SLC7A14: variants seen among roughly 807,000 people sequenced by gnomAD.
SLC7A14 encodes gamma-aminobutyric acid transporter SLC7A14.
A neutral mutation model predicts 60.2 loss-of-function variants in SLC7A14; 37 were observed. The observed-to-expected ratio is 0.61, with a 90% CI of 0.47 to 0.81. The LOEUF is 0.81. Ranked by LOEUF, SLC7A14 falls within the 30% of genes least tolerant of loss-of-function variation. SLC7A14 has a pLI of 0.00. For missense variants in SLC7A14, 886 were observed against 982.7 expected, an observed-to-expected ratio of 0.90 and a Z score of 1.32; for synonymous variants, 399 against 395.8, an observed-to-expected ratio of 1.01 and a Z score of -0.10.
chr3:170,552,871 A>G (rs918625878), intron 1 of SLC7A14, among the ~76,000 whole-genome samples: 4 of 152,200 alleles, frequency 2.6e-5, no homozygotes, highest in African/African-American at 9.7e-5. Flanking sequence ...ACTTCTCAAC[A>G]TGACTTATCA....
intron 1 of SLC7A14, among the ~76,000 whole-genome samples, chr3:170,558,407 T>C (rs906957241): frequency 2.0e-5 from 3 of 151,852 alleles, no homozygotes; most frequent in Non-Finnish European, 4.4e-5. Context: ...AACAAACAAA[T>C]AAATAAAGTC....
chr3:170,480,705 T>G lies in SLC7A14; in HGVS notation c.1577A>C (p.Glu526Ala). The change falls in exon 7 of 8, where the codon GAA becomes GCA. Residue 526 changes from glutamate (E) to alanine (A), a missense_variant. Physicochemically the swap from Glu to Ala is moderately radical, Grantham distance 107. Transcript: ENST00000231706. ...CTTTAACTTGATGAGATAAATATTT[T>G]CGGATTCATCAGCTTCTATGCCTGT... ...MTTGIEADES[E>A]NIYLIKLKKL... 2 of 1,614,224 alleles carry G rather than the reference T, an allele frequency of 1.2e-6. No individual in the cohort carries two copies. Among genetic ancestry groups the G allele is most frequent in the African/African-American group, 2.7e-5 (2 of 75,054 alleles).
intron 1 of SLC7A14, among the ~76,000 whole-genome samples, chr3:170,575,938 C>T (rs1281323000): frequency 6.6e-6 from 1 of 152,210 alleles, no homozygotes; most frequent in African/African-American, 2.4e-5. Context: ...ATTCAAGTTT[C>T]TTCAGTCCTT....
intron 2 of SLC7A14, among the ~76,000 whole-genome samples, chr3:170,519,871 A>G (rs1443544453): frequency 6.6e-6 from 1 of 152,234 alleles, no homozygotes; most frequent in Non-Finnish European, 1.5e-5. Flanking sequence ...GAACTCAGAC[A>G]TACTGACTGG....
At chr3:170,580,664 AG>A (rs1323830486) in intron 1 of SLC7A14, among the ~76,000 whole-genome samples, 3 of 152,224 alleles carry the variant, frequency 2.0e-5, no homozygotes, top group Non-Finnish European at 4.4e-5. Flanking sequence ...CTCTAAACAA[AG>A]GTAAACTAGA....
intron 1 of SLC7A14, among the ~76,000 whole-genome samples, chr3:170,580,910 A>G (rs531747583): frequency 2.6e-5 from 4 of 152,322 alleles, no homozygotes; most frequent in Admixed American, 6.5e-5. Flanking sequence ...ATATTTAAGT[A>G]TCAAAATCGT....
chr3:170,567,670 G>C (rs1424169617), intron 1 of SLC7A14, among the ~76,000 whole-genome samples: 6 of 151,554 alleles, frequency 4.0e-5, no homozygotes, highest in Admixed American at 2.0e-4. Context: ...TCCAGCACCT[G>C]TTGTTTCCTG....
chr3:170,543,181 G>C (rs554848479), intron 1 of SLC7A14, among the ~76,000 whole-genome samples: 1 of 152,296 alleles, frequency 6.6e-6, no homozygotes, highest in South Asian at 2.1e-4. Flanking sequence ...AGCTCAGGTT[G>C]ATGACATAAA....
chr3:170,550,046 G>A (rs1714297954), intron 1 of SLC7A14, among the ~76,000 whole-genome samples: 1 of 152,204 alleles, frequency 6.6e-6, no homozygotes, highest in Non-Finnish European at 1.5e-5. Context: ...GTTGTGATTG[G>A]ACATGTGTGT....
intron 2 of SLC7A14, among the ~76,000 whole-genome samples, chr3:170,501,906 T>C (rs2108281102): frequency 1.3e-5 from 2 of 152,340 alleles, no homozygotes; most frequent in Middle Eastern, 6.8e-3. Flanking sequence ...CAAACACTTT[T>C]AGAGTCCTAC....
At chr3:170,533,132 A>G (rs1713728649) in intron 1 of SLC7A14, among the ~76,000 whole-genome samples, 2 of 152,156 alleles carry the variant, frequency 1.3e-5, no homozygotes, top group African/African-American at 4.8e-5. Flanking sequence ...CAGCTAGCAT[A>G]AGCTTTGATG....
intron 1 of SLC7A14, among the ~76,000 whole-genome samples, chr3:170,559,767 A>G (rs950255885): frequency 6.6e-6 from 1 of 152,146 alleles, no homozygotes; most frequent in Non-Finnish European, 1.5e-5. Context: ...TTTCTCCTGA[A>G]TTTGGGAAGT....
intron 4 of SLC7A14, among the ~76,000 whole-genome samples, chr3:170,493,780 C>G (rs1014480360): frequency 6.6e-6 from 1 of 152,128 alleles, no homozygotes; most frequent in Non-Finnish European, 1.5e-5. Flanking sequence ...AGGTCCAGGC[C>G]CATTCACTGG....
At chr3:170,515,420 C>G (rs1292397880) in intron 2 of SLC7A14, among the ~76,000 whole-genome samples, 1 of 151,958 alleles carries the variant, frequency 6.6e-6, no homozygotes, top group African/African-American at 2.4e-5. Context: ...GCCTATATCA[C>G]TTTCCAGGTG....
chr3:170,491,066 G>A (rs1269607452), intron 4 of SLC7A14, among the ~76,000 whole-genome samples: 1 of 152,130 alleles, frequency 6.6e-6, no homozygotes, highest in African/African-American at 2.4e-5. Context: ...CCATGTGCCA[G>A]GCACTGTGCT....
chr3:170,580,642 T>G (rs1715210391), intron 1 of SLC7A14, among the ~76,000 whole-genome samples: 1 of 152,214 alleles, frequency 6.6e-6, no homozygotes, highest in Admixed American at 6.5e-5. Context: ...GTAGCATCTA[T>G]ACCTTTGTTA....
At chr3:170,580,611 C>T (rs888604056) in intron 1 of SLC7A14, among the ~76,000 whole-genome samples, 4 of 152,050 alleles carry the variant, frequency 2.6e-5, no homozygotes, top group Admixed American at 2.0e-4. Flanking sequence ...CAACTATTTA[C>T]CTGGCAGAGC....
intron 4 of SLC7A14, among the ~76,000 whole-genome samples, chr3:170,490,559 G>A (rs1712184725): frequency 6.6e-6 from 1 of 152,214 alleles, no homozygotes; most frequent in Admixed American, 6.5e-5. Flanking sequence ...AACTTGAAGA[G>A]CAGAAGACTC....
At chr3:170,573,147 C>G (rs1361268876) in intron 1 of SLC7A14, among the ~76,000 whole-genome samples, 1 of 152,176 alleles carries the variant, frequency 6.6e-6, no homozygotes, top group African/African-American at 2.4e-5. Flanking sequence ...CAGGTGCACT[C>G]AGAGCAAGGC....
Sources: allele counts gnomAD v4.1 joint callset (sites outside exome capture counted in the v4.1 genomes callset), GRCh38; gene constraint gnomAD v4.1.1; transcripts MANE v1.5; gene names NCBI Gene and HGNC (gene_info 2026-07-23, HGNC 2026-07-21).